Variants in LCOR observed in about 807,000 individuals in gnomAD.
The protein encoded by LCOR is ligand dependent nuclear receptor corepressor, also known as ligand-dependent corepressor.
In LCOR, 14 loss-of-function variants were observed where a neutral mutation model predicts 64.4. The observed-to-expected ratio is 0.22, with a 90% CI of 0.14 to 0.34. LCOR has a LOEUF of 0.34. Among genes scored for constraint, LCOR ranks in the 10% least tolerant of loss-of-function variants. LCOR has a pLI of 1.00. For missense variants in LCOR, 1,686 were observed against 1,765.3 expected (o/e 0.96, Z 0.80); for synonymous variants, 643 against 642.5 (o/e 1.00, Z -0.01).
chr10:96,919,058 T>C (rs1218251741), intron 4 of LCOR, among the ~76,000 whole-genome samples: 3 of 152,232 alleles, frequency 2.0e-5, no homozygotes, highest in Admixed American at 6.5e-5. Context: ...ATTTTATATT[T>C]TGTCAGTGTA....
At chr10:96,958,209 C>G in intron 7 of LCOR, 1 of 1,289,522 alleles carries the variant, frequency 7.8e-7, no homozygotes, top group Non-Finnish European at 9.8e-7. Context: ...GCTTTTATCC[C>G]CTCTCAGAAA....
chr10:96,974,469 C>T (rs1474182820), intron 7 of LCOR, among the ~76,000 whole-genome samples: 1 of 152,216 alleles, frequency 6.6e-6, no homozygotes, highest in African/African-American at 2.4e-5. Flanking sequence ...GTCATTTCAA[C>T]ATCTGTTATG....
chr10:96,841,736 C>T (rs890111047), intron 2 of LCOR, among the ~76,000 whole-genome samples: 3 of 151,024 alleles, frequency 2.0e-5, no homozygotes, highest in Non-Finnish European at 2.9e-5. Context: ...TATTGGAAAG[C>T]CTGTTGTTTT....
At chr10:96,962,537 G>C (rs1470134690) in intron 7 of LCOR, 1 of 152,144 alleles carries the variant, frequency 6.6e-6, no homozygotes, top group Non-Finnish European at 1.5e-5. Flanking sequence ...ACCAGCATTA[G>C]TAAGTTTAAG....
At chr10:96,859,538 G>A (rs538666891) in intron 2 of LCOR, among the ~76,000 whole-genome samples, 71 of 151,904 alleles carry the variant, frequency 4.7e-4, no homozygotes, top group Non-Finnish European at 9.7e-4. Flanking sequence ...TTAAAGTCCA[G>A]AATCCCAGAA....
chr10:96,940,066 A>C (rs1387551510), intron 4 of LCOR, among the ~76,000 whole-genome samples: 1 of 152,240 alleles, frequency 6.6e-6, no homozygotes. Context: ...AATTAGAAAA[A>C]TACAAACCTT....
At chr10:96,920,440 A>ATGTATATATATTCATATATATG (rs1847031649) in intron 4 of LCOR, among the ~76,000 whole-genome samples, 2 of 30,460 alleles carry the variant, frequency 6.6e-5, no homozygotes, top group African/African-American at 1.4e-4. Flanking sequence ...ATGTGTATAT[A>ATGTATATATATTCATATATATG]TGTGTATATA....
intron 2 of LCOR, among the ~76,000 whole-genome samples, chr10:96,889,670 A>G (rs1015768439): frequency 1.3e-5 from 2 of 152,212 alleles, no homozygotes; most frequent in African/African-American, 4.8e-5. Context: ...ATACAGCCAC[A>G]CTGGGGTTAG....
chr10:96,956,814 T>G, intron 7 of LCOR: 1 of 985,844 alleles, frequency 1.0e-6, no homozygotes, highest in South Asian at 4.7e-5. Context: ...CTAGGTTTCT[T>G]TGTATTCTTC....
At position 96,852,799 on chromosome 10, in the gene LCOR, G is replaced by T. The variant is rs11188945; in HGVS notation, c.-330+19320G>T. On this transcript the variant is annotated intron_variant, in intron 2 of 7. Transcript: ENST00000421806. ...AATATAGTCAGTAAGTCTTTTTTTA[G>T]TGACTATTTTGCCTCTATTTTTGTA... is the stretch of plus-strand genomic sequence containing the variant. 2.3e-3 allele frequency among the ~76,000 whole-genome samples: 353 copies of T among 152,142 alleles called. 5 individuals carry two copies. The highest frequency in any genetic ancestry group is 7.7e-3 in the African/African-American group (320 of 41,526).
chr10:96,957,364 CT>C (rs1847801788), intron 7 of LCOR: 1 of 984,734 alleles, frequency 1.0e-6, no homozygotes, highest in African/African-American at 1.7e-5. Flanking sequence ...CTGAGATGGG[CT>C]TTTAAAATTA....
At chr10:96,887,706 G>A (rs1487023223) in intron 2 of LCOR, among the ~76,000 whole-genome samples, 1 of 150,180 alleles carries the variant, frequency 6.7e-6, no homozygotes, top group Non-Finnish European at 1.5e-5. Flanking sequence ...TAATTGAGAC[G>A]GAGTTTTACT....
rs1848137027 is a variant in LCOR at position 96,985,088 on chromosome 10, A to G, written c.4628A>G (p.Lys1543Arg). Residue 1543 changes from lysine to arginine, a missense_variant, in exon 8 of 8, where the codon AAG becomes AGG. Transcript: ENST00000421806. ...AAQRKRKLKA[K>R]LDCSHSKRRR... ...CAGAGAAAGCGAAAGCTGAAGGCAA[A>G]GCTGGACTGTTCGCACAGCAAACGG... 2 of 1,610,774 alleles carry G rather than the reference A, an allele frequency of 1.2e-6. No homozygotes were observed. Among genetic ancestry groups the G allele is most frequent in the African/African-American group, 1.3e-5 (1 of 74,888 alleles).
Position 96,970,070 on chromosome 10 carries a change from T to C in LCOR, c.333-10723T>C, listed in dbSNP as rs554857130. Among the ~76,000 whole-genome samples, 381 of 147,968 alleles carry C rather than the reference T, an allele frequency of 2.6e-3. 2 individuals are homozygous for C. Among genetic ancestry groups the C allele is most frequent in the Non-Finnish European group, 4.6e-3 (309 of 67,244 alleles). On this transcript the variant is annotated intron_variant, in intron 7 of 7. Transcript: ENST00000421806. ...CCTCCCAAAATGCTGGGATTACAGG[T>C]GTGAGCCACCATGCCCAACCTTTAA...
At chr10:96,874,995 T>A (rs536528748) in intron 2 of LCOR, among the ~76,000 whole-genome samples, 6 of 152,030 alleles carry the variant, frequency 3.9e-5, no homozygotes, top group Non-Finnish European at 5.9e-5. Flanking sequence ...CCAGACATCT[T>A]TTCTTGGAAG....
Position 96,987,203 on chromosome 10 carries a change from C to T in LCOR, c.*2069C>T, listed in dbSNP as rs1336232472. 6.6e-6 allele frequency: 1 copy of T among 152,186 alleles called. No homozygotes were observed. The highest frequency in any genetic ancestry group is 1.5e-5 in the Non-Finnish European group (1 of 68,038). The allele number at this position is 152,186 out of a possible 1,614,324, so 9.4% of individuals were successfully genotyped here. A position where few individuals can be genotyped will look rare whatever the true frequency, so the allele number is the denominator to read the frequency against. ...GGCATTAATGTGTTTTGAATAGGTT[C>T]ATTTAATCTTAAAAAATGGTTTTAA... On this transcript the variant is annotated 3_prime_UTR_variant, in exon 8 of 8. Transcript: ENST00000421806.
chr10:96,892,137 T>C (rs528131840), intron 2 of LCOR, among the ~76,000 whole-genome samples: 1 of 152,292 alleles, frequency 6.6e-6, no homozygotes, highest in African/African-American at 2.4e-5. Flanking sequence ...TTAAGTCTTC[T>C]TTTTCCTTAT....
rs1391624332 is a variant in LCOR, at chr10:96,984,578, A to G, written c.4118A>G (p.Lys1373Arg). 4.3e-6 allele frequency: 7 copies of G among 1,614,214 alleles called. No homozygotes were observed. The East Asian group carries it at 1.6e-4, about 36-fold the overall frequency. The change falls in exon 8 of 8, where the codon AAG becomes AGG. Residue 1373 changes from lysine to arginine, a missense_variant. Physicochemically the swap from Lys to Arg is conservative, Grantham distance 26. Transcript: ENST00000421806. The stretch of plus-strand genomic sequence containing the variant: ...GCAGATGGGTTTCCTGTTAAGCCCA[A>G]GAGTACTGAAGGAATGAAGGGAAGG... ...VDADGFPVKPKSTEGMKGRKG... is the reference protein window; with the variant it reads ...VDADGFPVKPRSTEGMKGRKG...
At chr10:96,950,486 A>G (rs1847659852) in intron 6 of LCOR, among the ~76,000 whole-genome samples, 3 of 152,148 alleles carry the variant, frequency 2.0e-5, no homozygotes, top group African/African-American at 7.2e-5. Flanking sequence ...ATATTGCATC[A>G]GAAGTTTCAG....
Sources: gnomAD v4.1 joint callset for allele counts (sites outside exome capture counted in the v4.1 genomes callset) on GRCh38, gnomAD v4.1.1 for gene constraint, MANE v1.5 for transcripts, NCBI Gene and HGNC (gene_info 2026-07-23, HGNC 2026-07-21) for gene names.